Variants in CFAP61 observed in about 807,000 individuals in gnomAD.
CFAP61 encodes the protein cilia- and flagella-associated protein 61.
CFAP61 carries 107 observed loss-of-function variants against 135.6 expected under a neutral mutation model. That is an observed-to-expected ratio of 0.79 (90% confidence interval 0.67 to 0.93). The LOEUF (loss-of-function observed/expected upper bound fraction) is 0.93, where lower values mean the gene tolerates loss of function less well. CFAP61 is among the 40% of genes least tolerant of loss of function. The pLI is 0.00. For missense variants in CFAP61, 1,507 were observed against 1,556.2 expected (o/e 0.97, Z 0.53); for synonymous variants, 575 against 578.5 (o/e 0.99, Z 0.09).
At chr20:20,191,490 CT>C in intron 15 of CFAP61, 71 bp downstream of exon 15, 2 of 1,100,048 alleles carry the variant, frequency 1.8e-6, no homozygotes, top group Non-Finnish European at 2.7e-6. Flanking sequence ...CACAGTGCCC[CT>C]TTTGGAGTTG....
intron 22 of CFAP61, among the ~76,000 whole-genome samples, chr20:20,287,042 A>T (rs901623628): frequency 6.6e-6 from 1 of 152,108 alleles, no homozygotes; most frequent in African/African-American, 2.4e-5. Flanking sequence ...CTATATATTT[A>T]TCTGGGTAGG....
At chr20:20,189,168 C>A (rs1025235736) in intron 14 of CFAP61, among the ~76,000 whole-genome samples, 1 of 152,206 alleles carries the variant, frequency 6.6e-6, no homozygotes, top group Non-Finnish European at 1.5e-5. Flanking sequence ...AGACGCCAAA[C>A]ACCTAAACAT....
intron 25 of CFAP61, among the ~76,000 whole-genome samples, chr20:20,341,523 G>A (rs1173565608): frequency 6.6e-6 from 1 of 152,170 alleles, no homozygotes; most frequent in Non-Finnish European, 1.5e-5. Context: ...TCAAACGAGG[G>A]CAGATAATGG....
chr20:20,265,812 G>A (rs2052684267), intron 21 of CFAP61: 1 of 243,248 alleles, frequency 4.1e-6, no homozygotes, highest in Admixed American at 5.3e-5. Flanking sequence ...AAGAAAAAAT[G>A]TTAACATCTT....
At chr20:20,081,257 A>G (rs1272670842) in intron 6 of CFAP61, among the ~76,000 whole-genome samples, 1 of 152,216 alleles carries the variant, frequency 6.6e-6, no homozygotes, top group African/African-American at 2.4e-5. Context: ...GTTACTTACA[A>G]CTGACAAAGG....
intron 25 of CFAP61, among the ~76,000 whole-genome samples, chr20:20,330,313 T>C (rs1416771247): frequency 6.6e-6 from 1 of 152,134 alleles, no homozygotes; most frequent in Non-Finnish European, 1.5e-5. Flanking sequence ...AGGAGGTACA[T>C]CTCAATTCAG....
chr20:20,237,222 A>G (rs1470429464), intron 18 of CFAP61, among the ~76,000 whole-genome samples: 1 of 151,972 alleles, frequency 6.6e-6, no homozygotes, highest in Non-Finnish European at 1.5e-5. Flanking sequence ...GTCCCCGAGG[A>G]CTCCAGAGAG....
rs188055103 is a variant in CFAP61 at position 20,292,399 on chromosome 20, A to C, written c.3216+2008A>C. Among the ~76,000 whole-genome samples, 191 of 152,300 alleles carry C rather than the reference A, an allele frequency of 1.3e-3. 2 individuals carry two copies. Among genetic ancestry groups the C allele is most frequent in the South Asian group, 1.0e-3 (5 of 4,828 alleles). On this transcript the variant is annotated intron_variant, in intron 24 of 26. Coordinates refer to ENST00000245957, the MANE Select transcript of CFAP61 (RefSeq NM_015585.4). ...ATGATCTGATGCAACATTTTCTTAT[A>C]ATAAAGGAAACCATAAGATCATCAT... is the stretch of plus-strand genomic sequence containing the variant.
intron 24 of CFAP61, among the ~76,000 whole-genome samples, chr20:20,294,943 T>C (rs2055302395): frequency 7.6e-6 from 1 of 132,370 alleles, no homozygotes; most frequent in South Asian, 2.4e-4. Flanking sequence ...TCAAAAATAA[T>C]AATAATAATA....
At chr20:20,304,272 CTG>C (rs532157100) in intron 25 of CFAP61, among the ~76,000 whole-genome samples, 259 of 103,148 alleles carry the variant, frequency 2.5e-3, no homozygotes, top group African/African-American at 6.1e-3. Flanking sequence ...CCATCGGTGA[CTG>C]TGTGTGTGTG....
At chr20:20,150,182 A>G (rs1222852023) in intron 9 of CFAP61, among the ~76,000 whole-genome samples, 5 of 151,748 alleles carry the variant, frequency 3.3e-5, no homozygotes, top group African/African-American at 1.2e-4. Context: ...CCACCCCCCT[A>G]CACTCCAAAG....
At chr20:20,311,931 C>T (rs2056855415) in intron 25 of CFAP61, among the ~76,000 whole-genome samples, 1 of 152,166 alleles carries the variant, frequency 6.6e-6, no homozygotes. Flanking sequence ...ACAAAAGGGA[C>T]TCATCTCAGT....
chr20:20,263,023 A>G lies in CFAP61; in HGVS notation c.2396A>G (p.Gln799Arg). ...LTNREVPNSS[Q>R]RRYTGKVPCN... is the part of the protein sequence containing the mutation. Reference sequence around the variant, plus strand: ...AACAGGGAGGTTCCCAACAGCAGTCAGCGGCGGTACACGGGGAAAGTTCCT... The same window carrying G: ...AACAGGGAGGTTCCCAACAGCAGTCGGCGGCGGTACACGGGGAAAGTTCCT... Residue 799 changes from glutamine to arginine, a missense_variant, in exon 21 of 27, where the codon CAG becomes CGG. Gln to Arg is a conservative substitution (Grantham distance 43). Transcript: ENST00000245957. The G allele has an allele frequency of 6.2e-7, 1 of 1,614,058 alleles. No homozygotes were observed. Among genetic ancestry groups the G allele is most frequent in the Non-Finnish European group, 8.5e-7 (1 of 1,179,954 alleles).
At chr20:20,313,430 G>T (rs1177537799) in intron 25 of CFAP61, among the ~76,000 whole-genome samples, 1 of 152,140 alleles carries the variant, frequency 6.6e-6, no homozygotes, top group Non-Finnish European at 1.5e-5. Context: ...TTATATCCCC[G>T]CAATTCAGTA....
At position 20,113,032 on chromosome 20, in the gene CFAP61, T is replaced by A. The variant is rs562699676; in HGVS notation, c.859+14218T>A. 2.0e-5 allele frequency among the ~76,000 whole-genome samples: 3 copies of A among 152,344 alleles called. No homozygotes were observed. The South Asian group carries it at 6.2e-4, about 32-fold the overall frequency. On this transcript the variant is annotated intron_variant, in intron 8 of 26. Transcript: ENST00000245957. ...TGCATTGTGGTTAGAAAATATGACC[T>A]GTGTAATTTCTACTTTTGTTTTAAA...
chr20:20,288,747 T>A lies in CFAP61; in HGVS notation c.2935T>A (p.Ser979Thr). Residue 979 changes from serine (S) to threonine (T), a missense_variant, in exon 23 of 27, where the codon TCC (serine) becomes ACC (threonine). Transcript: ENST00000245957. ...TNDIAIRAAG[S>T]LTKFSNRYYS... ...CGACATAGCCATCAGAGCTGCTGGC[T>A]CCCTCACCAAATTCTCCAATAGATA... 2 of 1,614,194 alleles carry A rather than the reference T, an allele frequency of 1.2e-6. No individual in the cohort carries two copies. Among genetic ancestry groups the A allele is most frequent in the African/African-American group, 2.7e-5 (2 of 75,036 alleles).
chr20:20,220,012 T>C (rs949801566), intron 17 of CFAP61: 5 of 152,210 alleles, frequency 3.3e-5, no homozygotes, highest in Admixed American at 3.3e-4. Context: ...CAACAACACC[T>C]GAGTCTGTAT....
At chr20:20,185,122 G>A in intron 13 of CFAP61, among the ~76,000 whole-genome samples, 1 of 152,176 alleles carries the variant, frequency 6.6e-6, no homozygotes, top group African/African-American at 2.4e-5. Flanking sequence ...TAGACTCCCT[G>A]CTGAATCATG....
chr20:20,255,744 G>T (rs2051493145), intron 20 of CFAP61, among the ~76,000 whole-genome samples: 1 of 152,176 alleles, frequency 6.6e-6, no homozygotes, highest in Admixed American at 6.5e-5. Flanking sequence ...GAAAATAAAA[G>T]CATGCAGTCA....
Sources: allele counts gnomAD v4.1 joint callset (sites outside exome capture counted in the v4.1 genomes callset), GRCh38; gene constraint gnomAD v4.1.1; transcripts MANE v1.5; gene names NCBI Gene and HGNC (gene_info 2026-07-23, HGNC 2026-07-21).